PKD1L1: variants seen among roughly 807,000 people sequenced by gnomAD.
PKD1L1 encodes polycystin 1 like 1, transient receptor potential channel interacting.
A neutral mutation model predicts 323.4 loss-of-function variants in PKD1L1; 236 were observed. The ratio of observed to expected loss-of-function variants is 0.73; its 90% CI spans 0.66 to 0.81. The LOEUF (loss-of-function observed/expected upper bound fraction) is 0.81, where lower values mean the gene tolerates loss of function less well. Among genes scored for constraint, PKD1L1 ranks in the 40% least tolerant of loss-of-function variants. PKD1L1 has a pLI of 0.00. For synonymous variants in PKD1L1, 1,344 were observed against 1,335.0 expected, an observed-to-expected ratio of 1.01 and a Z score of -0.15; for missense variants, 3,320 against 3,508.0, an observed-to-expected ratio of 0.95 and a Z score of 1.35.
Position 47,888,100 on chromosome 7 carries a change from T to C in PKD1L1, c.2726A>G (p.Asn909Ser), listed in dbSNP as rs1334700820. 6.2e-7 allele frequency: 1 copy of C among 1,613,872 alleles called. No homozygotes were observed. Among genetic ancestry groups the C allele is most frequent in the Non-Finnish European group, 8.5e-7 (1 of 1,179,848 alleles). Residue 909 changes from asparagine to serine, a missense_variant, in exon 17 of 57, where the codon AAT becomes AGT. Asn to Ser is a conservative substitution (Grantham distance 46). Coordinates refer to ENST00000289672, the MANE Select transcript of PKD1L1 (RefSeq NM_138295.5). ...VSFKDTFVNW[N>S]DELSLQAMCE... Reference sequence around the variant, plus strand: ...CATAGCTTGAAGAGAGAGTTCGTCATTCCAGTTGACGAAGGTGTCTTTAAA... The same window carrying C: ...CATAGCTTGAAGAGAGAGTTCGTCACTCCAGTTGACGAAGGTGTCTTTAAA...
At chr7:47,922,727 C>CCGGCCAGCCGCCCCGTT (rs1787575318) in intron 7 of PKD1L1, among the ~76,000 whole-genome samples, 1 of 136,736 alleles carries the variant, frequency 7.3e-6, no homozygotes, top group South Asian at 2.1e-4. Context: ...GCCGCCCCGT[C>CCGGCCAGCCGCCCCGTT]CGGCCAGCCG....
At position 47,946,287 on chromosome 7, in the gene PKD1L1, G is replaced by C. The variant is rs1788093321; in HGVS notation, c.44+2110C>G. On this transcript the variant is annotated intron_variant, in intron 1 of 56. Transcript: ENST00000289672. The surrounding 1 kb of genome is among the most constrained non-coding windows in gnomAD (Gnocchi z 4.1). ...CTCTTAGAATCCCTTAAGAGTGAGT[G>C]TTTTTCGGGGCCTGTCAGGGGCTGG... 6.6e-6 allele frequency among the ~76,000 whole-genome samples: 1 copy of C among 151,968 alleles called. No homozygotes were observed. Among genetic ancestry groups the C allele is most frequent in the Non-Finnish European group, 1.5e-5 (1 of 67,994 alleles).
chr7:47,900,462 C>G (rs1787061861), intron 13 of PKD1L1, among the ~76,000 whole-genome samples: 1 of 152,182 alleles, frequency 6.6e-6, no homozygotes, highest in South Asian at 2.1e-4. Context: ...GAAACTTGGC[C>G]AGGCATGGTG....
chr7:47,948,265 C>A, intron 1 of PKD1L1, 132 bp downstream of exon 1: 1 of 1,053,020 alleles, frequency 9.5e-7, no homozygotes, highest in Non-Finnish European at 1.4e-6. Context: ...CAAATGCACC[C>A]TCCTGGTACA....
chr7:47,895,782 T>C (rs189113170), intron 14 of PKD1L1, among the ~76,000 whole-genome samples: 299 of 152,338 alleles, frequency 2.0e-3, no homozygotes, highest in African/African-American at 6.7e-3. Flanking sequence ...GAAAAATTTA[T>C]AGAAATTAGT....
chr7:47,931,059 G>C (rs772877724), intron 6 of PKD1L1, 45 bp downstream of exon 6: 1 of 1,570,946 alleles, frequency 6.4e-7, no homozygotes, highest in East Asian at 2.3e-5. Flanking sequence ...TTCCAGACTG[G>C]GGATTGGAGA....
rs1315607672 is a variant in PKD1L1 at position 47,847,074 on chromosome 7, A to C, written c.4961-3T>G. 1 of 1,559,430 alleles carries C rather than the reference A, an allele frequency of 6.4e-7. No individual in the cohort carries two copies. The highest frequency in any genetic ancestry group is 1.4e-5 in the African/African-American group (1 of 71,932). ...GGATAAATAGCCTACACTGGCATCT[A>C]AAAAGAGAAAACATAAATAAAAAGT... On this transcript the variant is annotated splice_region_variant and splice_polypyrimidine_tract_variant and intron_variant, in intron 31 of 56. Transcript: ENST00000289672.
chr7:47,880,284 A>ATATATT (rs1225214936), intron 21 of PKD1L1, among the ~76,000 whole-genome samples: 9 of 56,774 alleles, frequency 1.6e-4, no homozygotes, highest in East Asian at 3.7e-4. Context: ...ATATATATAT[A>ATATATT]TTTTTTTTTT....
At chr7:47,960,075 A>G in the PKD1L1 span, among the ~76,000 whole-genome samples, 5 of 151,952 alleles carry the variant, frequency 3.3e-5, no homozygotes, top group Admixed American at 1.3e-4. Context: ...CCTATCCCCA[A>G]CCCTGTGCTC....
intron 52 of PKD1L1, among the ~76,000 whole-genome samples, chr7:47,807,335 A>T (rs1261385422): frequency 6.6e-6 from 1 of 152,088 alleles, no homozygotes; most frequent in Non-Finnish European, 1.5e-5. Flanking sequence ...AACGAGCCTC[A>T]TCCTGCCTGG....
intron 26 of PKD1L1, among the ~76,000 whole-genome samples, chr7:47,860,075 T>A (rs549178279): frequency 6.6e-6 from 1 of 152,364 alleles, no homozygotes; most frequent in African/African-American, 2.4e-5. Flanking sequence ...TTTAAAAAAA[T>A]ATTTAGAAGC....
chr7:47,886,030 A>T lies in PKD1L1; in HGVS notation c.2861T>A (p.Leu954Gln). 1 of 1,614,090 alleles carries T rather than the reference A, an allele frequency of 6.2e-7. No individual in the cohort carries two copies. Among genetic ancestry groups the T allele is most frequent in the Non-Finnish European group, 8.5e-7 (1 of 1,179,960 alleles). The stretch of plus-strand genomic sequence containing the variant: ...GGCACCGAGTCCCAGCGAGCCAAGC[A>T]GCCCCACTACTCTGCAGAAGGGAAC... The part of the protein sequence containing the change: ...IEVPFCRVVG[L>Q]LGSLGLGAIS... The change falls in exon 18 of 57, where the codon CTG (leucine) becomes CAG (glutamine). Residue 954 changes from leucine to glutamine, a missense_variant. Leu to Gln is a moderately radical substitution (Grantham distance 113, BLOSUM62 -2). Coordinates refer to ENST00000289672, the MANE Select transcript of PKD1L1 (RefSeq NM_138295.5).
At chr7:47,922,138 T>C (rs1428511713) in intron 7 of PKD1L1, among the ~76,000 whole-genome samples, 2 of 152,224 alleles carry the variant, frequency 1.3e-5, no homozygotes, top group Non-Finnish European at 2.9e-5. Flanking sequence ...GGTCTCCAGC[T>C]CCTGACCACG....
intron 50 of PKD1L1, among the ~76,000 whole-genome samples, chr7:47,810,668 C>T (rs1482796439): frequency 6.6e-6 from 1 of 152,210 alleles, no homozygotes; most frequent in East Asian, 1.9e-4. Flanking sequence ...TAACCTTGAC[C>T]TGAAGAGTCA....
chr7:47,777,024 T>C (rs1307460607), intron 56 of PKD1L1, among the ~76,000 whole-genome samples: 1 of 152,156 alleles, frequency 6.6e-6, no homozygotes. Flanking sequence ...CCTGAGTAGC[T>C]GGGATTACAA....
At chr7:47,878,840 A>G (rs4724661) in intron 21 of PKD1L1, among the ~76,000 whole-genome samples, 55,106 of 152,054 alleles carry the variant, frequency 0.36, 11,348 homozygotes, top group African/African-American at 0.56. Flanking sequence ...TGCGGGAGAG[A>G]AGGCTGACAG....
At chr7:47,927,454 T>TG (rs1422696898) in intron 7 of PKD1L1, among the ~76,000 whole-genome samples, 1 of 152,040 alleles carries the variant, frequency 6.6e-6, no homozygotes, top group Non-Finnish European at 1.5e-5. Flanking sequence ...TTAGTAGAGA[T>TG]GGGGTTTCAC....
At position 47,885,952 on chromosome 7, in the gene PKD1L1, T is replaced by A; in HGVS notation, c.2939A>T (p.Asp980Val). The A allele has an allele frequency of 1.2e-6, 2 of 1,614,148 alleles. No individual in the cohort carries two copies. Among genetic ancestry groups the A allele is most frequent in the Non-Finnish European group, 1.7e-6 (2 of 1,180,038 alleles). ...NLLPTEPGTA[D>V]PDATTTPFSR... is the part of the protein sequence containing the mutation. ...GAATGGTGTGGTCGTTGCATCAGGA[T>A]CTGCAGTGCCAGGCTCAGTGGGCAG... The change falls in exon 18 of 57, where the codon GAT (aspartate) becomes GTT (valine). Residue 980 changes from aspartate to valine, a missense_variant. Physicochemically the swap from Asp to Val is radical, Grantham distance 152. Coordinates refer to ENST00000289672, the MANE Select transcript of PKD1L1 (RefSeq NM_138295.5).
At position 47,885,833 on chromosome 7, in the gene PKD1L1, G is replaced by C; in HGVS notation, c.3058C>G (p.Pro1020Ala). The C allele has an allele frequency of 6.2e-7, 1 of 1,614,238 alleles. No homozygotes were observed. The highest frequency in any genetic ancestry group is 8.5e-7 in the Non-Finnish European group (1 of 1,180,046). The change falls in exon 18 of 57, where the codon CCT becomes GCT. Residue 1020 changes from proline (P) to alanine (A), a missense_variant. Coordinates refer to ENST00000289672, the MANE Select transcript of PKD1L1 (RefSeq NM_138295.5). Reference sequence around the variant, plus strand: ...AGGACTGCAGAGTCCCCCGCAGGAGGAATCCAGTAGACTCCAGTCATGGGC... The same window carrying C: ...AGGACTGCAGAGTCCCCCGCAGGAGCAATCCAGTAGACTCCAGTCATGGGC... ...TEPMTGVYWI[P>A]PAGDSAVLGE... is the part of the protein sequence containing the mutation.
Sources: allele counts gnomAD v4.1 joint callset (sites outside exome capture counted in the v4.1 genomes callset), GRCh38; gene constraint gnomAD v4.1.1; non-coding constraint Gnocchi (gnomAD v3.1); transcripts MANE v1.5; gene names NCBI Gene and HGNC (gene_info 2026-07-23, HGNC 2026-07-21).